DPEP1: variants seen among roughly 807,000 people sequenced by gnomAD.
The protein encoded by DPEP1 is dipeptidase 1.
In DPEP1, 50 loss-of-function variants were observed where a neutral mutation model predicts 42.3. The observed-to-expected ratio is 1.18, with a 90% CI of 0.94 to 1.50. DPEP1 has a LOEUF of 1.50. Ranked by LOEUF, DPEP1 falls within the 40% of genes most tolerant of loss-of-function variation. The pLI, the probability that DPEP1 is intolerant of heterozygous loss-of-function variation, is 0.00. For missense variants in DPEP1, 663 were observed against 553.0 expected (o/e 1.20, Z -1.99); for synonymous variants, 297 against 234.0 (o/e 1.27, Z -2.46).
In DPEP1 at chr16:89,614,668, G is replaced by A. The variant is rs563788460; in HGVS notation, c.-107+949G>A. 9.4e-4 allele frequency among the ~76,000 whole-genome samples: 143 copies of A among 152,302 alleles called. 4 individuals are homozygous for A. The South Asian group carries it at 0.022, about 23-fold the overall frequency. On this transcript the variant is annotated intron_variant, in intron 1 of 10. Coordinates refer to ENST00000690203, the MANE Select transcript of DPEP1 (RefSeq NM_001389466.1). ...AAATTAGCCGGGCGTGGTGGCGGGC[G>A]CCTGTAGTCCCAGCTACTCGGGAGG...
At chr16:89,641,227 G>C (rs1026638582), downstream of DPEP1, among the ~76,000 whole-genome samples, 1 of 151,902 alleles carries the variant, frequency 6.6e-6, no homozygotes, top group African/African-American at 2.4e-5. Flanking sequence ...CTGCGGGGGG[G>C]GGTTGACTGA....
chr16:89,637,012 C>T lies in DPEP1; in HGVS notation c.591+77C>T, dbSNP rs964650502. ...GGAGGGTGACCAGAACAATGCATCT[C>T]CTCACGTGGGACCTCAGTGTCCTTG... On this transcript the variant is annotated intron_variant, in intron 6 of 10. Coordinates refer to ENST00000690203, the MANE Select transcript of DPEP1 (RefSeq NM_001389466.1). 9 of 1,579,862 alleles carry T rather than the reference C, an allele frequency of 5.7e-6. No individual in the cohort carries two copies. The African/African-American group carries it at 9.4e-5, about 17-fold the overall frequency.
In DPEP1 at chr16:89,637,990, C is replaced by A; in HGVS notation, c.1065+19C>A. Reference sequence around the variant, plus strand: ...GGAACAGGTGAGGATGGGGTGGCCACCTGAGTCTCCCCCACCACCACCAGC... The same window carrying A: ...GGAACAGGTGAGGATGGGGTGGCCAACTGAGTCTCCCCCACCACCACCAGC... On this transcript the variant is annotated intron_variant, in intron 10 of 10. Transcript: ENST00000690203. 1.2e-6 allele frequency: 2 copies of A among 1,607,444 alleles called. No homozygotes were observed. Among genetic ancestry groups the A allele is most frequent in the Non-Finnish European group, 1.7e-6 (2 of 1,177,654 alleles).
chr16:89,616,533 G>T (rs1220090324), intron 1 of DPEP1, among the ~76,000 whole-genome samples: 1 of 152,214 alleles, frequency 6.6e-6, no homozygotes, highest in Non-Finnish European at 1.5e-5. Flanking sequence ...CGAGGACAGG[G>T]CGATTGCTCC....
chr16:89,635,484 C>T (rs2059664895), intron 2 of DPEP1, among the ~76,000 whole-genome samples: 1 of 152,188 alleles, frequency 6.6e-6, no homozygotes, highest in Non-Finnish European at 1.5e-5. Context: ...CACCATATTC[C>T]CCAAGAGGCA....
At chr16:89,637,148 C>G in intron 6 of DPEP1, 56 bp from the exon 7 acceptor site, 1 of 1,578,654 alleles carries the variant, frequency 6.3e-7, no homozygotes, top group Non-Finnish European at 8.6e-7. Context: ...AGCCCGTCCA[C>G]CTCCGCAGCC....
chr16:89,628,211 C>T (rs758201606), intron 1 of DPEP1, among the ~76,000 whole-genome samples: 14 of 151,370 alleles, frequency 9.2e-5, no homozygotes, highest in Non-Finnish European at 1.8e-4. Flanking sequence ...CGTGAGCCAC[C>T]ACACCCGGCC....
intron 2 of DPEP1, 28 bp downstream of exon 2, chr16:89,630,542 AG>A: frequency 1.4e-6 from 2 of 1,395,518 alleles, no homozygotes; most frequent in Non-Finnish European, 1.9e-6. Context: ...CCAGGTGCTT[AG>A]GGAACCAGGA....
In DPEP1 at chr16:89,636,646, C is replaced by T. The variant is rs376172394; in HGVS notation, c.484C>T (p.Arg162Trp). 7.6e-5 allele frequency: 122 copies of T among 1,612,528 alleles called. No individual in the cohort carries two copies. The highest frequency in any genetic ancestry group is 3.3e-4 in the Middle Eastern group (2 of 6,062). Residue 162 changes from arginine (R) to tryptophan (W), a missense_variant, in exon 5 of 11, where the codon CGG (arginine) becomes TGG (tryptophan). Arg to Trp is a moderately radical substitution (Grantham distance 101). Transcript: ENST00000690203. ...VLRALYQLGM[R>W]YLTLTHSCNT... ...GCGGGCACTCTATCAGCTGGGCATGCGGTACCTGACCCTCACCCACAGCTG... is the reference window on the plus strand; with the variant it reads ...GCGGGCACTCTATCAGCTGGGCATGTGGTACCTGACCCTCACCCACAGCTG...
intron 2 of DPEP1, among the ~76,000 whole-genome samples, chr16:89,634,491 C>T (rs117930424): frequency 1.3e-5 from 2 of 149,066 alleles, no homozygotes; most frequent in Admixed American, 6.6e-5. Flanking sequence ...ACTCAGCCAC[C>T]AGCTCTGACA....
Position 89,638,191 on chromosome 16 carries a change from C to T in DPEP1, c.1205C>T (p.Ala402Val). 1.9e-6 allele frequency: 3 copies of T among 1,591,124 alleles called. No homozygotes were observed. Among genetic ancestry groups the T allele is most frequent in the East Asian group, 2.2e-5 (1 of 44,608 alleles). Residue 402 changes from alanine (A) to valine (V), a missense_variant, in exon 11 of 11, where the codon GCT becomes GTT. Ala to Val is a moderately conservative substitution (Grantham distance 64). Transcript: ENST00000690203. Reference sequence around the variant, plus strand: ...TGGGGGCTCCTGCTGGCCTCCCTCGCTCCCCTGGTCCTCTGTCTGTCTCTC... The same window carrying T: ...TGGGGGCTCCTGCTGGCCTCCCTCGTTCCCCTGGTCCTCTGTCTGTCTCTC... ...RHWGLLLASL[A>V]PLVLCLSLL
At chr16:89,633,240 A>C (rs923254873) in intron 2 of DPEP1, among the ~76,000 whole-genome samples, 1 of 152,194 alleles carries the variant, frequency 6.6e-6, no homozygotes, top group Non-Finnish European at 1.5e-5. Flanking sequence ...CTCTGCTCCG[A>C]GGGCTGGGGA....
At chr16:89,618,037 A>T (rs1414727027) in intron 1 of DPEP1, among the ~76,000 whole-genome samples, 1 of 152,164 alleles carries the variant, frequency 6.6e-6, no homozygotes, top group African/African-American at 2.4e-5. Flanking sequence ...AAATATAAAA[A>T]AATAAAAATA....
Position 89,638,401 on chromosome 16 carries a change from G to A in DPEP1, c.*179G>A, listed in dbSNP as rs536080047. ...GGGGACAGTTCAGGACACACACACA[G>A]TAGGCCCGCAATAAAAGCAACACCC... On this transcript the variant is annotated 3_prime_UTR_variant, in exon 11 of 11. Coordinates refer to ENST00000690203, the MANE Select transcript of DPEP1 (RefSeq NM_001389466.1). 1.2e-3 allele frequency: 1,662 copies of A among 1,360,544 alleles called. 8 individuals are homozygous for A. Among genetic ancestry groups the A allele is most frequent in the Admixed American group, 1.7e-3 (48 of 28,734 alleles). The allele number at this position is 1,360,544 out of a possible 1,614,324, so 84.3% of individuals were successfully genotyped here.
intron 2 of DPEP1, among the ~76,000 whole-genome samples, chr16:89,632,624 G>T (rs2059604062): frequency 6.6e-6 from 1 of 152,166 alleles, no homozygotes; most frequent in South Asian, 2.1e-4. Context: ...TCCCAGCTAA[G>T]GGCATTGCCC....
chr16:89,636,451 C>T (rs1723994973), intron 4 of DPEP1, 55 bp downstream of exon 4: 14 of 1,596,908 alleles, frequency 8.8e-6, no homozygotes, highest in Non-Finnish European at 1.1e-5. Flanking sequence ...CAGCCCTCAT[C>T]CTGAGCAGCA....
At position 89,637,186 on chromosome 16, in the gene DPEP1, G is replaced by A. The variant is rs373527659; in HGVS notation, c.592-18G>A. ...GACCCTGGGGGCTGTGAGGGTGGACGGAGCCCTGTCTTCCCAGCGTGTGGT... is the reference window on the plus strand; with the variant it reads ...GACCCTGGGGGCTGTGAGGGTGGACAGAGCCCTGTCTTCCCAGCGTGTGGT... On this transcript the variant is annotated intron_variant, in intron 6 of 10. Coordinates refer to ENST00000690203, the MANE Select transcript of DPEP1 (RefSeq NM_001389466.1). 405 of 1,608,006 alleles carry A rather than the reference G, an allele frequency of 2.5e-4. 3 individuals are homozygous for A. The highest frequency in any genetic ancestry group is 2.1e-3 in the South Asian group (193 of 90,696).
chr16:89,636,885 G>C lies in DPEP1; in HGVS notation c.541G>C (p.Asp181His). 1.2e-6 allele frequency: 2 copies of C among 1,612,568 alleles called. No individual in the cohort carries two copies. Among genetic ancestry groups the C allele is most frequent in the African/African-American group, 1.3e-5 (1 of 75,064 alleles). ...CTCCAGGGCTGACAACTGGCTGGTG[G>C]ACACGGGAGACAGCGAGCCCCAGAG... Reference protein sequence around the residue: ...NTPWADNWLVDTGDSEPQSQG... With the variant: ...NTPWADNWLVHTGDSEPQSQG... Residue 181 changes from aspartate (D) to histidine (H), a missense_variant, in exon 6 of 11, where the codon GAC becomes CAC. Transcript: ENST00000690203.
intron 1 of DPEP1, among the ~76,000 whole-genome samples, chr16:89,623,145 A>G (rs1225534902): frequency 2.0e-5 from 3 of 152,074 alleles, no homozygotes; most frequent in African/African-American, 7.2e-5. Context: ...CGAGGTAGCT[A>G]TTTTTAAAAA....
Sources: gnomAD v4.1 joint callset for allele counts (sites outside exome capture counted in the v4.1 genomes callset) on GRCh38, gnomAD v4.1.1 for gene constraint, MANE v1.5 for transcripts, NCBI Gene and HGNC (gene_info 2026-07-23, HGNC 2026-07-21) for gene names.